Variants in C12orf50 observed in about 807,000 individuals in gnomAD.
The protein encoded by C12orf50 is uncharacterized protein C12orf50.
Under a neutral mutation model 61.6 loss-of-function variants are expected in C12orf50, and 35 were observed. The observed-to-expected ratio is 0.57, with a 90% confidence interval of 0.43 to 0.75. C12orf50 has a LOEUF of 0.75. C12orf50 is among the 30% of genes least tolerant of loss of function. C12orf50 has a pLI of 0.00. For synonymous variants in C12orf50, 178 were observed against 161.5 expected, an observed-to-expected ratio of 1.10 and a Z score of -0.77; for missense variants, 475 against 488.5, an observed-to-expected ratio of 0.97 and a Z score of 0.26.
chr12:88,017,484 T>G (rs904429528), intron 3 of C12orf50, among the ~76,000 whole-genome samples: 1 of 152,186 alleles, frequency 6.6e-6, no homozygotes, highest in Non-Finnish European at 1.5e-5. Context: ...CATGTCTTTA[T>G]CTGCAGAATA....
intron 3 of C12orf50, among the ~76,000 whole-genome samples, chr12:88,023,466 C>T (rs981350851): frequency 8.0e-5 from 12 of 150,818 alleles, no homozygotes; most frequent in African/African-American, 4.9e-5. Flanking sequence ...GAGATTGTAC[C>T]GTCCTGGCCA....
chr12:87,980,455 A>G (rs1446128091), intron 12 of C12orf50, 99 bp from the exon 13 acceptor site: 1 of 1,005,838 alleles, frequency 9.9e-7, no homozygotes, highest in Non-Finnish European at 1.5e-6. Flanking sequence ...ATCTAAAGGC[A>G]AAGAAAAACT....
chr12:88,011,819 T>C (rs1055042824), intron 3 of C12orf50, among the ~76,000 whole-genome samples: 3 of 152,162 alleles, frequency 2.0e-5, no homozygotes, highest in Non-Finnish European at 4.4e-5. Flanking sequence ...GTCAGTTCTG[T>C]CCCTAATCTC....
At chr12:88,020,554 C>T (rs1052282626) in intron 3 of C12orf50, among the ~76,000 whole-genome samples, 3 of 152,052 alleles carry the variant, frequency 2.0e-5, no homozygotes, top group African/African-American at 7.2e-5. Context: ...TCTTAGAGAC[C>T]TACAAAAAGA....
intron 2 of C12orf50, 60 bp downstream of exon 2, chr12:88,026,891 A>G: frequency 6.4e-7 from 1 of 1,572,988 alleles, no homozygotes; most frequent in Non-Finnish European, 8.6e-7. Context: ...AAAAAGTATA[A>G]TTCAGCATTA....
chr12:88,022,345 AC>A (rs1167916653), intron 3 of C12orf50, among the ~76,000 whole-genome samples: 1 of 152,156 alleles, frequency 6.6e-6, no homozygotes, highest in Non-Finnish European at 1.5e-5. Flanking sequence ...AATTGAAGAA[AC>A]GTACTTCAAA....
At chr12:88,014,235 A>G (rs2032221109) in intron 3 of C12orf50, among the ~76,000 whole-genome samples, 1 of 152,160 alleles carries the variant, frequency 6.6e-6, no homozygotes, top group African/African-American at 2.4e-5. Context: ...AAATGACAAA[A>G]AGCATTGGAG....
At chr12:88,022,849 G>A (rs2136496424) in intron 3 of C12orf50, among the ~76,000 whole-genome samples, 1 of 152,164 alleles carries the variant, frequency 6.6e-6, no homozygotes, top group South Asian at 2.1e-4. Context: ...CCCAAAGAAA[G>A]CAGAGATGAT....
intron 3 of C12orf50, among the ~76,000 whole-genome samples, chr12:88,008,236 A>T (rs2031964080): frequency 6.6e-6 from 1 of 151,782 alleles, no homozygotes; most frequent in Non-Finnish European, 1.5e-5. Flanking sequence ...CCTCTGGTAG[A>T]CCCCAGTGTG....
chr12:87,983,991 T>G (rs2030665838), intron 11 of C12orf50: 1 of 143,670 alleles, frequency 7.0e-6, no homozygotes, highest in African/African-American at 2.5e-5. Context: ...GTTGAACTAG[T>G]TTACAGTCCC....
Position 87,996,406 on chromosome 12 carries a change from T to G in C12orf50, c.449A>C (p.Lys150Thr), listed in dbSNP as rs1159544761. ...MTPTAEKQLE[K>T]PLENGSELQE... ...CAATTCACTGCCATTTTCCAAAGGC[T>G]TTTCTAACTGTTTTTCTGCTGTAGG... Residue 150 changes from lysine (K) to threonine (T), a missense_variant, in exon 6 of 13, where the codon AAG (lysine) becomes ACG (threonine). Transcript: ENST00000298699. 1.2e-6 allele frequency: 2 copies of G among 1,613,244 alleles called. No homozygotes were observed. Among genetic ancestry groups the G allele is most frequent in the Admixed American group, 1.7e-5 (1 of 59,994 alleles).
At chr12:88,000,452 T>C (rs1337916793) in intron 3 of C12orf50, among the ~76,000 whole-genome samples, 3 of 151,942 alleles carry the variant, frequency 2.0e-5, no homozygotes, top group Non-Finnish European at 4.4e-5. Flanking sequence ...TAGTAACTTG[T>C]AGATTTTGAA....
intron 3 of C12orf50, among the ~76,000 whole-genome samples, chr12:88,022,796 C>G (rs1412811412): frequency 6.6e-6 from 1 of 151,966 alleles, no homozygotes; most frequent in Non-Finnish European, 1.5e-5. Flanking sequence ...TACAGCTAAC[C>G]AGAGAGGTGA....
intron 12 of C12orf50, among the ~76,000 whole-genome samples, chr12:87,982,268 A>G (rs1208912514): frequency 6.6e-6 from 1 of 152,156 alleles, no homozygotes; most frequent in Non-Finnish European, 1.5e-5. Context: ...GTTAAAAGAA[A>G]GTATGATCAA....
rs182738669 is a variant in C12orf50 at position 87,994,533 on chromosome 12, G to A, written c.592+100C>T. On this transcript the variant is annotated intron_variant, in intron 7 of 12. Coordinates refer to ENST00000298699, the MANE Select transcript of C12orf50 (RefSeq NM_152589.3). ...ACCTCCAAACTCTTGTGTTAAACAT[G>A]ACATGGACAAAAAAAGAAAATTAGT... 2.3e-3 allele frequency: 2,042 copies of A among 884,830 alleles called. 47 individuals carry two copies. The Admixed American group carries it at 0.04, about 17-fold the overall frequency. The allele number at this position is 884,830 out of a possible 1,614,324, so 54.8% of individuals were successfully genotyped here. A position where few individuals can be genotyped will look rare whatever the true frequency, so the allele number is the denominator to read the frequency against.
rs945089033 is a variant in C12orf50, at chr12:87,998,165, C to T, written c.159G>A (p.Gln53=). ...SSNITLQKEI[Q]EGIPLQSQSQ... The stretch of plus-strand genomic sequence containing the variant: ...TCTGGGACTGGAGTGGAATTCCTTC[C>T]TGAATTTCTTTCTGTAGTGTGATAT... Residue 53 remains glutamine (Q), a synonymous_variant, in exon 4 of 13, where the codon CAG becomes CAA. Coordinates refer to ENST00000298699, the MANE Select transcript of C12orf50 (RefSeq NM_152589.3). 5 of 1,612,356 alleles carry T rather than the reference C, an allele frequency of 3.1e-6. No homozygotes were observed. Among genetic ancestry groups the T allele is most frequent in the Admixed American group, 3.3e-5 (2 of 59,892 alleles).
intron 3 of C12orf50, among the ~76,000 whole-genome samples, chr12:88,003,110 T>G (rs944453798): frequency 5.9e-5 from 9 of 151,442 alleles, no homozygotes; most frequent in African/African-American, 2.2e-4. Flanking sequence ...TAGGTATTTA[T>G]AGTTTGTTCT....
At chr12:87,998,215 G>T in intron 3 of C12orf50, 25 bp from the exon 4 acceptor site, 1 of 1,595,890 alleles carries the variant, frequency 6.3e-7, no homozygotes, top group Non-Finnish European at 8.6e-7. Flanking sequence ...CAACATTTCA[G>T]TCTGTTCAAG....
chr12:88,013,025 C>G (rs2032171171), intron 3 of C12orf50, among the ~76,000 whole-genome samples: 1 of 152,014 alleles, frequency 6.6e-6, no homozygotes, highest in African/African-American at 2.4e-5. Context: ...GTTCACACCA[C>G]TGCACTCTGG....
Sources: gnomAD v4.1 joint callset for allele counts (sites outside exome capture counted in the v4.1 genomes callset) on GRCh38, gnomAD v4.1.1 for gene constraint, MANE v1.5 for transcripts, NCBI Gene and HGNC (gene_info 2026-07-23, HGNC 2026-07-21) for gene names.